The following CPM variants were observed in gnomAD, a reference collection of about 807,000 sequenced individuals.
CPM encodes the protein renal carboxypeptidase.
In CPM, 35 loss-of-function variants were observed where a neutral mutation model predicts 46.4. That is an observed-to-expected ratio of 0.75 (90% CI 0.58 to 1.00). The LOEUF (loss-of-function observed/expected upper bound fraction) is 1.00, where lower values mean the gene tolerates loss of function less well. CPM is among the 50% of genes least tolerant of loss of function. The pLI is 0.00. For missense variants in CPM, 422 were observed against 530.4 expected, an observed-to-expected ratio of 0.80 and a Z score of 2.01; for synonymous variants, 195 against 195.3, an observed-to-expected ratio of 1.00 and a Z score of 0.01.
intron 2 of CPM, among the ~76,000 whole-genome samples, chr12:68,907,399 C>G (rs1887397666): frequency 6.6e-6 from 1 of 152,138 alleles, no homozygotes; most frequent in African/African-American, 2.4e-5. Flanking sequence ...CTCTCTGGAG[C>G]CTCAGTTTCC....
At chr12:68,910,444 C>T (rs1258961820) in intron 2 of CPM, among the ~76,000 whole-genome samples, 3 of 152,078 alleles carry the variant, frequency 2.0e-5, no homozygotes, top group Non-Finnish European at 4.4e-5. Context: ...TTCTGGACAT[C>T]CTCCCATGTC....
chr12:68,924,886 G>T (rs188155450), intron 2 of CPM, among the ~76,000 whole-genome samples: 19 of 152,276 alleles, frequency 1.2e-4, no homozygotes, highest in Admixed American at 3.9e-4. Context: ...TGAGAGATCT[G>T]TGTATGTGAA....
Position 68,855,744 on chromosome 12 carries a change from T to G in CPM, c.*693A>C, listed in dbSNP as rs1469510586. 1 of 114,238 alleles carries G rather than the reference T, an allele frequency of 8.8e-6. No individual in the cohort carries two copies. Among genetic ancestry groups the G allele is most frequent in the East Asian group, 2.0e-4 (1 of 4,958 alleles). The allele number at this position is 114,238 out of a possible 1,614,324, so 7.1% of individuals were successfully genotyped here. A position where few individuals can be genotyped will look rare whatever the true frequency, so the allele number is the denominator to read the frequency against. On this transcript the variant is annotated 3_prime_UTR_variant, in exon 9 of 9. Transcript: ENST00000551568. Reference sequence around the variant, plus strand: ...TGTTTTTTTTGTTTGTTTGTTTTTGTTTTTTTTTTTTTGAGACAGAGTCTT... The same window carrying G: ...TGTTTTTTTTGTTTGTTTGTTTTTGGTTTTTTTTTTTTGAGACAGAGTCTT...
At chr12:68,947,862 A>T (rs1337336720) in intron 1 of CPM, among the ~76,000 whole-genome samples, 1 of 152,026 alleles carries the variant, frequency 6.6e-6, no homozygotes, top group Non-Finnish European at 1.5e-5. Context: ...TATGTTGCCC[A>T]GTCTAGAAAT....
At chr12:68,956,794 T>C (rs2136338473) in intron 1 of CPM, among the ~76,000 whole-genome samples, 1 of 152,326 alleles carries the variant, frequency 6.6e-6, no homozygotes, top group African/African-American at 2.4e-5. Context: ...TAATGGCAGT[T>C]CCATTTTACT....
intron 3 of CPM, among the ~76,000 whole-genome samples, chr12:68,882,884 T>G (rs150437490): frequency 1.3e-5 from 2 of 152,330 alleles, no homozygotes; most frequent in East Asian, 3.9e-4. Context: ...GACCCAATTC[T>G]AAAACAAGGC....
intron 2 of CPM, among the ~76,000 whole-genome samples, chr12:68,918,798 C>T (rs993908575): frequency 6.6e-6 from 1 of 152,190 alleles, no homozygotes; most frequent in African/African-American, 2.4e-5. Flanking sequence ...ATTAGTCTCC[C>T]TGCTTCTATT....
At chr12:68,957,122 T>C (rs181992151) in intron 1 of CPM, among the ~76,000 whole-genome samples, 15 of 152,236 alleles carry the variant, frequency 9.9e-5, no homozygotes, top group Admixed American at 2.0e-4. Context: ...ATTTGTAAAA[T>C]CGTAGAGATT....
At chr12:68,843,915 CTG>C (rs1207910488) in intron 5 of CPM, 1 of 212,458 alleles carries the variant, frequency 4.7e-6, no homozygotes, top group Non-Finnish European at 9.5e-6. Flanking sequence ...CTAGTAGAAT[CTG>C]TTTTTTTCCT....
At chr12:68,914,037 T>G in intron 2 of CPM, 5 of 701,868 alleles carry the variant, frequency 7.1e-6, no homozygotes. Flanking sequence ...ATCCTCACTA[T>G]TCCATTCCTC....
At chr12:68,870,193 A>G (rs781040104) in intron 5 of CPM, 22 bp downstream of exon 5, 1 of 1,606,092 alleles carries the variant, frequency 6.2e-7, no homozygotes, top group South Asian at 1.1e-5. Context: ...AAGAAGCCAG[A>G]ACTGGACCCG....
chr12:68,889,319 A>G (rs984398427), intron 2 of CPM, among the ~76,000 whole-genome samples: 1 of 152,346 alleles, frequency 6.6e-6, no homozygotes, highest in Non-Finnish European at 1.5e-5. Flanking sequence ...ATATGAATGC[A>G]CTACCATTTA....
chr12:68,951,834 G>A lies in CPM; in HGVS notation c.-4+11335C>T, dbSNP rs139437840. Among the ~76,000 whole-genome samples the A allele has an allele frequency of 6.4e-3, 975 of 152,264 alleles. 6 individuals carry two copies. The highest frequency in any genetic ancestry group is 8.4e-3 in the Non-Finnish European group (571 of 68,006). On this transcript the variant is annotated intron_variant, in intron 1 of 8. Coordinates refer to the CPM transcript ENST00000546373. ...GAATGGAAATATAAGGCTATTTTAG[G>A]GCAGTGTTCTAGCAAGTAAACATGA...
chr12:68,962,494 C>T (rs1006178921), intron 1 of CPM, among the ~76,000 whole-genome samples: 1 of 152,158 alleles, frequency 6.6e-6, no homozygotes, highest in South Asian at 2.1e-4. Flanking sequence ...AACCAGAACC[C>T]CTTTTCCCGA....
chr12:68,903,953 C>T (rs532312780), intron 2 of CPM, among the ~76,000 whole-genome samples: 6 of 151,494 alleles, frequency 4.0e-5, no homozygotes, highest in Admixed American at 2.6e-4. Context: ...GTGGTGTGAA[C>T]GTGGCTCACT....
At chr12:68,922,985 A>G (rs1888099207) in intron 2 of CPM, among the ~76,000 whole-genome samples, 1 of 152,058 alleles carries the variant, frequency 6.6e-6, no homozygotes, top group African/African-American at 2.4e-5. Flanking sequence ...GGCTGTTCAC[A>G]GGTGCGATCA....
intron 5 of CPM, chr12:68,845,026 C>T (rs1228038721): frequency 5.0e-6 from 1 of 200,354 alleles, no homozygotes; most frequent in Non-Finnish European, 1.0e-5. Context: ...CCTTGGCCCC[C>T]CAAAGTGCTG....
chr12:68,954,576 A>G (rs763254676), intron 1 of CPM, among the ~76,000 whole-genome samples: 45 of 151,854 alleles, frequency 3.0e-4, no homozygotes, highest in Non-Finnish European at 5.3e-4. Flanking sequence ...AGATAATCTC[A>G]TCCAGCCCCT....
At chr12:68,956,634 A>T (rs1889023555) in intron 1 of CPM, among the ~76,000 whole-genome samples, 1 of 152,052 alleles carries the variant, frequency 6.6e-6, no homozygotes, top group Admixed American at 6.5e-5. Flanking sequence ...GATTATCCCC[A>T]TTTGCCCAGT....
Sources: gnomAD v4.1 joint callset for allele counts (sites outside exome capture counted in the v4.1 genomes callset) on GRCh38, gnomAD v4.1.1 for gene constraint, MANE v1.5 for transcripts, NCBI Gene and HGNC (gene_info 2026-07-23, HGNC 2026-07-21) for gene names.